The following XRN1 variants were observed in gnomAD, a reference collection of about 807,000 sequenced individuals.
XRN1 encodes strand-exchange protein 1 homolog.
In XRN1, 67 loss-of-function variants were observed where a neutral mutation model predicts 222.3. That is an observed-to-expected ratio of 0.30 (90% CI 0.25 to 0.37). XRN1 has a LOEUF of 0.37. Ranked by LOEUF, XRN1 falls within the 10% of genes least tolerant of loss-of-function variation. The pLI, the probability that XRN1 is intolerant of heterozygous loss-of-function variation, is 1.00. For synonymous variants in XRN1, 643 were observed against 652.4 expected, an observed-to-expected ratio of 0.99 and a Z score of 0.22; for missense variants, 1,707 against 2,000.2, an observed-to-expected ratio of 0.85 and a Z score of 2.80.
At position 142,384,622 on chromosome 3, in the gene XRN1, G is replaced by T; in HGVS notation, c.2403C>A (p.Leu801=). 6.2e-7 allele frequency: 1 copy of T among 1,611,802 alleles called. No homozygotes were observed. Among genetic ancestry groups the T allele is most frequent in the Non-Finnish European group, 8.5e-7 (1 of 1,178,988 alleles). The change falls in exon 21 of 41, where the codon CTC becomes CTA. Residue 801 remains leucine, a synonymous_variant. Coordinates refer to ENST00000392981, the MANE Select transcript of XRN1 (RefSeq NM_001282857.2). ...ETSAVVYAQL[L]TGRKYQINQN... is the part of the protein sequence containing the mutation. Reference sequence around the variant, plus strand: ...GATTTATTTGATATTTACGACCTGTGAGTAACTGAGCATACACAACTGCAG... The same window carrying T: ...GATTTATTTGATATTTACGACCTGTTAGTAACTGAGCATACACAACTGCAG...
chr3:142,363,810 T>C (rs1293045591), intron 29 of XRN1, among the ~76,000 whole-genome samples: 1 of 152,246 alleles, frequency 6.6e-6, no homozygotes, highest in Admixed American at 6.5e-5. Flanking sequence ...ACAACCAGCT[T>C]ATCAATTTCT....
At chr3:142,405,163 A>AAATGGTTATTCTGTATAT in intron 15 of XRN1, 87 bp from the exon 16 acceptor site, 1 of 1,326,248 alleles carries the variant, frequency 7.5e-7, no homozygotes, top group Non-Finnish European at 1.0e-6. Flanking sequence ...CTCCATATAC[A>AAATGGTTATTCTGTATAT]GAATAACCAT....
At chr3:142,373,487 T>A (rs1577317078) in intron 25 of XRN1, among the ~76,000 whole-genome samples, 1 of 151,958 alleles carries the variant, frequency 6.6e-6, no homozygotes, top group Non-Finnish European at 1.5e-5. Context: ...GTTGCAAGCC[T>A]GAAAGAGCTG....
chr3:142,381,960 G>C (rs966047842), intron 22 of XRN1, among the ~76,000 whole-genome samples: 2 of 152,048 alleles, frequency 1.3e-5, no homozygotes, highest in African/African-American at 4.8e-5. Context: ...CCTTATTTTG[G>C]GTTTGTTTGA....
intron 20 of XRN1, among the ~76,000 whole-genome samples, chr3:142,389,428 G>A (rs1289578902): frequency 6.6e-6 from 1 of 152,138 alleles, no homozygotes; most frequent in Non-Finnish European, 1.5e-5. Flanking sequence ...TGCTAATGTT[G>A]ATAGATACTT....
Position 142,405,039 on chromosome 3 carries a change from G to A in XRN1, c.1751C>T (p.Ser584Phe), listed in dbSNP as rs755243083. The change falls in exon 16 of 41, where the codon TCC becomes TTC. Residue 584 changes from serine to phenylalanine, a missense_variant. By Grantham distance (155) the Ser-to-Phe change is radical. Coordinates refer to ENST00000392981, the MANE Select transcript of XRN1 (RefSeq NM_001282857.2). ...TCTTTTCCTCTCTTCCTTTTTGAGG[G>A]AGTGGTTACATGTCTCCATGGCTTC... is the stretch of plus-strand genomic sequence containing the variant. ...LLEAMETCNH[S>F]LKKEERKRNQ... 6 of 1,613,824 alleles carry A rather than the reference G, an allele frequency of 3.7e-6. No individual in the cohort carries two copies. Among genetic ancestry groups the A allele is most frequent in the Non-Finnish European group, 5.1e-6 (6 of 1,179,898 alleles).
chr3:142,329,128 CA>C (rs1361694446), intron 37 of XRN1, among the ~76,000 whole-genome samples: 1 of 151,664 alleles, frequency 6.6e-6, no homozygotes, highest in African/African-American at 2.4e-5. Flanking sequence ...TGGGGTCCTC[CA>C]AAAAAAGTGT....
At chr3:142,341,794 A>G (rs974793903) in intron 33 of XRN1, among the ~76,000 whole-genome samples, 6 of 152,194 alleles carry the variant, frequency 3.9e-5, no homozygotes, top group African/African-American at 1.4e-4. Context: ...GACAAAATAC[A>G]TTTCAAGACA....
At chr3:142,330,070 A>C (rs951779948) in intron 36 of XRN1, among the ~76,000 whole-genome samples, 1 of 152,232 alleles carries the variant, frequency 6.6e-6, no homozygotes, top group Non-Finnish European at 1.5e-5. Flanking sequence ...AAATATAAGT[A>C]CCTAACTGCC....
chr3:142,376,644 T>A, intron 23 of XRN1, 50 bp from the exon 24 acceptor site: 2 of 1,292,434 alleles, frequency 1.5e-6, no homozygotes, highest in Non-Finnish European at 2.2e-6. Flanking sequence ...AAGTTTACAT[T>A]AAATGTTATT....
intron 5 of XRN1, 119 bp downstream of exon 5, chr3:142,425,103 A>C (rs2069192419): frequency 3.1e-6 from 2 of 640,740 alleles, no homozygotes; most frequent in Admixed American, 3.6e-5. Context: ...TAGAAGTAGC[A>C]ATCATTATTG....
intron 33 of XRN1, among the ~76,000 whole-genome samples, chr3:142,338,164 C>T (rs902045662): frequency 1.2e-4 from 19 of 152,166 alleles, no homozygotes; most frequent in African/African-American, 4.3e-4. Context: ...CCACCACTTC[C>T]CCAACTCCCC....
At chr3:142,312,284 A>T (rs181467101) in intron 40 of XRN1, among the ~76,000 whole-genome samples, 1 of 152,278 alleles carries the variant, frequency 6.6e-6, no homozygotes, top group Admixed American at 6.5e-5. Context: ...TTCTCCAAAA[A>T]AATGAATAAT....
chr3:142,375,301 G>T (rs1283627730), intron 25 of XRN1, among the ~76,000 whole-genome samples: 1 of 152,218 alleles, frequency 6.6e-6, no homozygotes, highest in Non-Finnish European at 1.5e-5. Flanking sequence ...TATACTTCCT[G>T]TAAATCTTTG....
intron 15 of XRN1, among the ~76,000 whole-genome samples, chr3:142,411,845 A>ATGGAGTCTCGCTGTCTCCCAGGC (rs1372732025): frequency 7.2e-6 from 1 of 139,850 alleles, no homozygotes; most frequent in African/African-American, 2.7e-5. Flanking sequence ...TTTTTTTGAG[A>ATGGAGTCTCGCTGTCTCCCAGGC]TGGAGTCTCG....
At chr3:142,424,943 GT>G (rs2069187195) in intron 5 of XRN1, among the ~76,000 whole-genome samples, 1 of 152,010 alleles carries the variant, frequency 6.6e-6, no homozygotes, top group Admixed American at 6.6e-5. Context: ...AAGCCTGAGG[GT>G]AAAAAAGCAG....
chr3:142,366,394 A>C (rs1439009807), intron 27 of XRN1, among the ~76,000 whole-genome samples: 2 of 152,284 alleles, frequency 1.3e-5, no homozygotes, highest in East Asian at 3.9e-4. Context: ...CAAGCCTTTA[A>C]ACAGTGTCTA....
chr3:142,432,213 TTA>T (rs1179212312), intron 2 of XRN1, among the ~76,000 whole-genome samples: 4 of 106,462 alleles, frequency 3.8e-5, no homozygotes, highest in Admixed American at 1.0e-4. Flanking sequence ...ATATAATTAA[TTA>T]TATATATAAT....
At position 142,318,616 on chromosome 3, in the gene XRN1, G is replaced by C. The variant is rs748113440; in HGVS notation, c.4597C>G (p.Pro1533Ala). The C allele has an allele frequency of 6.2e-7, 1 of 1,608,014 alleles. No individual in the cohort carries two copies. Among genetic ancestry groups the C allele is most frequent in the East Asian group, 2.2e-5 (1 of 44,788 alleles). ...YPSAVPPGTIPPAFPPPTANI... is the reference protein window; with the variant it reads ...YPSAVPPGTIAPAFPPPTANI... Reference sequence around the variant, plus strand: ...CCAGTAGGTGGGGGAAAGGCTGGAGGAATGGTTCCAGGTGGTACAGCTGAA... The same window carrying C: ...CCAGTAGGTGGGGGAAAGGCTGGAGCAATGGTTCCAGGTGGTACAGCTGAA... The change falls in exon 39 of 41, where the codon CCT becomes GCT. Residue 1533 changes from proline to alanine, a missense_variant. Pro to Ala is a conservative substitution (Grantham distance 27, BLOSUM62 -1). Around this residue, in one of 2 missense-constraint regions of XRN1, gnomAD observed 473 missense variants for 482.0 expected, o/e 0.98. Transcript: ENST00000392981.
Sources: allele counts gnomAD v4.1 joint callset (sites outside exome capture counted in the v4.1 genomes callset), GRCh38; gene constraint gnomAD v4.1.1; regional missense constraint gnomAD v4.1.1; transcripts MANE v1.5; gene names NCBI Gene and HGNC (gene_info 2026-07-23, HGNC 2026-07-21).